The following SPATA24 variants were observed in gnomAD, a reference collection of about 807,000 sequenced individuals.
SPATA24 encodes the protein spermatogenesis-associated protein 24.
SPATA24 carries 21 observed loss-of-function variants against 28.9 expected under a neutral mutation model. The observed-to-expected ratio is 0.73, with a 90% CI of 0.52 to 1.05. SPATA24 has a LOEUF of 1.05. Among genes scored for constraint, SPATA24 ranks in the 50% least tolerant of loss-of-function variants. The pLI is 0.00. For synonymous variants in SPATA24, 76 were observed against 89.9 expected (o/e 0.85, Z 0.88); for missense variants, 215 against 242.9 (o/e 0.88, Z 0.76).
chr5:139,394,261 G>T, downstream of SPATA24: 1 of 1,544,878 alleles, frequency 6.5e-7, no homozygotes. Flanking sequence ...CGACCGCCCC[G>T]TGGACCCGAA....
chr5:139,393,114 G>A (rs1339084088), downstream of SPATA24: 6 of 1,526,504 alleles, frequency 3.9e-6, no homozygotes, highest in Non-Finnish European at 5.3e-6. Flanking sequence ...CCTCCTCCCC[G>A]CAGGGGTCGG....
At chr5:139,395,326 C>A (rs1758681622), downstream of SPATA24, 1 of 398,980 alleles carries the variant, frequency 2.5e-6, no homozygotes. Context: ...GGGCTCCAAG[C>A]TTTGGCTGAC....
At chr5:139,394,189 C>T (rs1758650450), downstream of SPATA24, 1 of 1,547,488 alleles carries the variant, frequency 6.5e-7, no homozygotes, top group Non-Finnish European at 8.7e-7. Flanking sequence ...GCGAAGTGGC[C>T]GAGACTTAGC....
At chr5:139,402,070 C>T (rs763347260) in intron 2 of SPATA24, 25 bp from the exon 3 acceptor site, 1 of 1,548,592 alleles carries the variant, frequency 6.5e-7, no homozygotes, top group South Asian at 1.2e-5. Flanking sequence ...GCAGTCACCT[C>T]ATTACCCTAG....
downstream of SPATA24, chr5:139,394,422 T>G: frequency 7.2e-7 from 1 of 1,393,458 alleles, no homozygotes. Flanking sequence ...CGGCCGCCCT[T>G]GGGGGACTCT....
chr5:139,403,513 C>T (rs1218211968), intron 1 of SPATA24, among the ~76,000 whole-genome samples: 1 of 152,196 alleles, frequency 6.6e-6, no homozygotes, highest in African/African-American at 2.4e-5. Context: ...CTTGGAGGCC[C>T]CTAAGTTAGC....
At chr5:139,394,141 G>C, downstream of SPATA24, 1 of 1,546,118 alleles carries the variant, frequency 6.5e-7, no homozygotes, top group South Asian at 1.2e-5. Flanking sequence ...GCTGGGCCAC[G>C]GCCTCGGGGC....
Position 139,404,025 on chromosome 5 carries a change from T to A in SPATA24, c.36A>T (p.Ser12=), listed in dbSNP as rs886829626. ...GATCTAAAGCGAGACACACAGATCC[T>A]GACCCCGCCTTCGACCACCCGAGGG... ...ATPLGWSKAG[S]GSVCLALDQL... Residue 12 remains serine (S), a synonymous_variant, in exon 1 of 6, where the codon TCA becomes TCT. Transcript: ENST00000450845. 1 of 1,551,908 alleles carries A rather than the reference T, an allele frequency of 6.4e-7. No individual in the cohort carries two copies. The highest frequency in any genetic ancestry group is 8.7e-7 in the Non-Finnish European group (1 of 1,147,040).
At chr5:139,394,208 GGAC>G (rs1370978036), downstream of SPATA24, 41 of 1,548,710 alleles carry the variant, frequency 2.6e-5, no homozygotes, top group East Asian at 9.8e-4. Context: ...GCCTTCTCCA[GGAC>G]CACGTGGGTG....
chr5:139,394,891 C>G, downstream of SPATA24: 1 of 1,512,178 alleles, frequency 6.6e-7, no homozygotes, highest in Non-Finnish European at 8.8e-7. Context: ...CGCGCCCGCC[C>G]CCCGCCCAGG....
downstream of SPATA24, chr5:139,393,401 C>A (rs961737016): frequency 1.9e-6 from 3 of 1,551,692 alleles, no homozygotes; most frequent in South Asian, 3.6e-5. Context: ...CTCTGCATCT[C>A]TGTTGGTTCT....
chr5:139,394,080 C>A, downstream of SPATA24: 2 of 1,550,694 alleles, frequency 1.3e-6, no homozygotes, highest in Non-Finnish European at 8.7e-7. Flanking sequence ...CAGGACCCAG[C>A]GGCTCCGTCC....
At chr5:139,395,216 G>C, downstream of SPATA24, 1 of 887,258 alleles carries the variant, frequency 1.1e-6, no homozygotes, top group African/African-American at 1.8e-5. Context: ...CTGAGCCAGC[G>C]GCGCCGGCAG....
At chr5:139,395,086 G>A (rs763015704), downstream of SPATA24, 3 of 1,398,532 alleles carry the variant, frequency 2.1e-6, no homozygotes, top group Non-Finnish European at 2.8e-6. Flanking sequence ...CAGCATGGTG[G>A]GGCCGGACGC....
chr5:139,395,148 C>T, downstream of SPATA24: 1 of 1,346,434 alleles, frequency 7.4e-7, no homozygotes, highest in Non-Finnish European at 9.6e-7. Flanking sequence ...GGCACTGTCC[C>T]CGCCCCGCCC....
At chr5:139,395,016 C>T (rs1325058665), downstream of SPATA24, 5 of 1,458,326 alleles carry the variant, frequency 3.4e-6, no homozygotes, top group East Asian at 1.4e-4. Flanking sequence ...CCTGGCGCCG[C>T]GCGGGGGCCG....
downstream of SPATA24, chr5:139,392,764 T>C (rs1758619987): frequency 7.0e-7 from 1 of 1,436,964 alleles, no homozygotes. The surrounding 1 kb of genome is among the most constrained non-coding windows in gnomAD (Gnocchi z 5.8). Flanking sequence ...GGTCCGACCG[T>C]CGCCGTCGGG....
intron 4 of SPATA24, among the ~76,000 whole-genome samples, chr5:139,399,295 C>T (rs1273547208): frequency 3.6e-5 from 5 of 138,950 alleles, no homozygotes; most frequent in Non-Finnish European, 6.1e-5. Flanking sequence ...CCAGCCTGGG[C>T]GGCAGAGCAA....
At chr5:139,393,415 G>A, downstream of SPATA24, 1 of 1,551,690 alleles carries the variant, frequency 6.4e-7, no homozygotes, top group Non-Finnish European at 8.7e-7. Context: ...TGGTTCTGGA[G>A]TGCCGGGTGC....
Sources: allele counts gnomAD v4.1 joint callset (sites outside exome capture counted in the v4.1 genomes callset), GRCh38; gene constraint gnomAD v4.1.1; non-coding constraint Gnocchi (gnomAD v3.1); transcripts MANE v1.5; gene names NCBI Gene and HGNC (gene_info 2026-07-23, HGNC 2026-07-21).